VAT1L: variants seen among roughly 807,000 people sequenced by gnomAD.
VAT1L encodes putative NADPH-dependent quinone oxidoreductase VAT1L.
In VAT1L, 34 loss-of-function variants were observed where a neutral mutation model predicts 44.1. The observed-to-expected ratio is 0.77, with a 90% CI of 0.59 to 1.03. The LOEUF is 1.03. Ranked by LOEUF, VAT1L falls within the 50% of genes least tolerant of loss-of-function variation. The probability of loss-of-function intolerance (pLI) is 0.00; values close to 1 mark genes in which losing one functional copy is unlikely to be tolerated. For synonymous variants in VAT1L, 253 were observed against 202.2 expected, an observed-to-expected ratio of 1.25 and a Z score of -2.13; for missense variants, 615 against 538.8, an observed-to-expected ratio of 1.14 and a Z score of -1.40.
rs769315333 is a variant in VAT1L, at chr16:77,960,880, T to C, written c.1078-10970T>C. 8.1e-4 allele frequency among the ~76,000 whole-genome samples: 123 copies of C among 152,118 alleles called. 1 individual carries two copies. Among genetic ancestry groups the C allele is most frequent in the Non-Finnish European group, 1.2e-3 (79 of 68,012 alleles). Reference sequence around the variant, plus strand: ...CGTGACTACTGCTCCTCTGCTTGCATGGGGTGAGCCAATTAAATTTTCCCC... The same window carrying C: ...CGTGACTACTGCTCCTCTGCTTGCACGGGGTGAGCCAATTAAATTTTCCCC... On this transcript the variant is annotated intron_variant, in intron 7 of 8. Transcript: ENST00000302536.
chr16:77,922,110 G>C (rs1016193599), intron 7 of VAT1L, among the ~76,000 whole-genome samples: 4 of 152,010 alleles, frequency 2.6e-5, no homozygotes, highest in African/African-American at 9.7e-5. Flanking sequence ...TTACTTTCTG[G>C]AAAATTTAAG....
At chr16:77,855,612 T>C (rs1478250682) in intron 3 of VAT1L, among the ~76,000 whole-genome samples, 1 of 152,238 alleles carries the variant, frequency 6.6e-6, no homozygotes, top group East Asian at 1.9e-4. Context: ...CTTTAATGGT[T>C]TATTTATTTT....
rs550422767 is a variant in VAT1L, at chr16:77,966,035, C to A, written c.1078-5815C>A. ...AAATACACCCTAGATTCCAAACAGT[C>A]CCCCCCAAAAAAGCGTAAATTATTA... is the stretch of plus-strand genomic sequence containing the variant. On this transcript the variant is annotated intron_variant, in intron 7 of 8. Transcript: ENST00000302536. Among the ~76,000 whole-genome samples the A allele has an allele frequency of 3.3e-5, 5 of 151,654 alleles. No homozygotes were observed. In the South Asian group the frequency reaches 1.0e-3, roughly 32 times the overall value.
At position 77,916,956 on chromosome 16, in the gene VAT1L, C is replaced by A. The variant is rs186987207; in HGVS notation, c.1077+32154C>A. Among the ~76,000 whole-genome samples, 488 of 152,200 alleles carry A rather than the reference C, an allele frequency of 3.2e-3. 2 individuals are homozygous for A. The highest frequency in any genetic ancestry group is 0.011 in the African/African-American group (466 of 41,542). ...GCAACAGCCATGCCAGTTGGGAGTTCTAATAGACATTGTTTTGACTTCTAA... is the reference window on the plus strand; with the variant it reads ...GCAACAGCCATGCCAGTTGGGAGTTATAATAGACATTGTTTTGACTTCTAA... On this transcript the variant is annotated intron_variant, in intron 7 of 8. Transcript: ENST00000302536.
chr16:77,864,434 GC>G (rs569949697), intron 4 of VAT1L, among the ~76,000 whole-genome samples: 1 of 150,236 alleles, frequency 6.7e-6, no homozygotes, highest in African/African-American at 2.5e-5. Flanking sequence ...CTCTACCTGT[GC>G]CCCCCCACAA....
chr16:77,959,005 T>A (rs554775661), intron 7 of VAT1L, among the ~76,000 whole-genome samples: 49 of 152,320 alleles, frequency 3.2e-4, no homozygotes, highest in African/African-American at 1.1e-3. Context: ...AAGACTATGA[T>A]TAGTCAAGAC....
chr16:77,792,370 G>T (rs529616230), intron 1 of VAT1L, among the ~76,000 whole-genome samples: 1 of 152,220 alleles, frequency 6.6e-6, no homozygotes, highest in African/African-American at 2.4e-5. Context: ...CTTAGGTCTG[G>T]CTCCTTGGAG....
intron 1 of VAT1L, among the ~76,000 whole-genome samples, chr16:77,799,730 A>G (rs145399346): frequency 4.0e-4 from 61 of 152,294 alleles, no homozygotes; most frequent in African/African-American, 1.3e-3. Flanking sequence ...GAACTGGAGA[A>G]GTCAGGTCCA....
At chr16:77,822,439 T>C (rs974512684) in intron 2 of VAT1L, among the ~76,000 whole-genome samples, 3 of 152,138 alleles carry the variant, frequency 2.0e-5, no homozygotes, top group African/African-American at 7.2e-5. Context: ...TTATTCTTAA[T>C]TGTACCCTCT....
chr16:77,950,930 C>G (rs184899547), intron 7 of VAT1L, among the ~76,000 whole-genome samples: 3 of 152,106 alleles, frequency 2.0e-5, no homozygotes, highest in Admixed American at 6.6e-5. Context: ...TAAATGAACA[C>G]GACTGTATTC....
chr16:77,973,838 G>C (rs1184965918), intron 8 of VAT1L, among the ~76,000 whole-genome samples: 1 of 151,970 alleles, frequency 6.6e-6, no homozygotes, highest in Non-Finnish European at 1.5e-5. Flanking sequence ...CCACTCTACC[G>C]CCTCAGCCTC....
At chr16:77,812,176 G>A (rs1361311274) in intron 1 of VAT1L, among the ~76,000 whole-genome samples, 1 of 150,950 alleles carries the variant, frequency 6.6e-6, no homozygotes, top group Non-Finnish European at 1.5e-5. Flanking sequence ...AAGTTTAAGC[G>A]ATTCTCCTGC....
At chr16:77,862,111 C>T (rs145312059) in intron 3 of VAT1L, among the ~76,000 whole-genome samples, 2 of 152,294 alleles carry the variant, frequency 1.3e-5, no homozygotes, top group African/African-American at 2.4e-5. Flanking sequence ...TGCTTGGATT[C>T]GCCTGATTCC....
intron 3 of VAT1L, among the ~76,000 whole-genome samples, chr16:77,825,979 C>T (rs1279778128): frequency 1.0e-4 from 14 of 139,956 alleles, no homozygotes; most frequent in African/African-American, 3.5e-4. Flanking sequence ...GCCGAGATTG[C>T]GCCACTGCAC....
intron 7 of VAT1L, among the ~76,000 whole-genome samples, chr16:77,961,182 A>G (rs2018156042): frequency 2.0e-5 from 3 of 152,046 alleles, no homozygotes; most frequent in Admixed American, 2.0e-4. Context: ...GAGGAACAAG[A>G]GTCTTTGTTG....
intron 7 of VAT1L, among the ~76,000 whole-genome samples, chr16:77,923,109 A>AC (rs953518658): frequency 6.6e-5 from 10 of 152,010 alleles, no homozygotes; most frequent in East Asian, 1.9e-4. Flanking sequence ...AACCTGTGTG[A>AC]CCCCCCGAAC....
intron 7 of VAT1L, among the ~76,000 whole-genome samples, chr16:77,914,671 A>C (rs192772619): frequency 6.6e-6 from 1 of 152,348 alleles, no homozygotes; most frequent in Admixed American, 6.5e-5. Context: ...TATCAGATTT[A>C]ATAACACCAA....
chr16:77,930,664 T>C (rs1237996335), intron 7 of VAT1L, among the ~76,000 whole-genome samples: 1 of 152,108 alleles, frequency 6.6e-6, no homozygotes. Flanking sequence ...ATAATCCTAA[T>C]CTCAGGGTGT....
intron 7 of VAT1L, among the ~76,000 whole-genome samples, chr16:77,885,932 T>C (rs1385017319): frequency 6.6e-6 from 1 of 152,206 alleles, no homozygotes; most frequent in African/African-American, 2.4e-5. Flanking sequence ...TATCTCTCTC[T>C]AATACTGCAG....
Sources: gnomAD v4.1 joint callset for allele counts (sites outside exome capture counted in the v4.1 genomes callset) on GRCh38, gnomAD v4.1.1 for gene constraint, MANE v1.5 for transcripts, NCBI Gene and HGNC (gene_info 2026-07-23, HGNC 2026-07-21) for gene names.